LPIN1: variants seen among roughly 807,000 people sequenced by gnomAD.
The protein encoded by LPIN1 is lipin 1.
A neutral mutation model predicts 107.5 loss-of-function variants in LPIN1; 71 were observed. That is an observed-to-expected ratio of 0.66 (90% CI 0.55 to 0.80). LPIN1 has a LOEUF of 0.80. Ranked by LOEUF, LPIN1 falls within the 30% of genes least tolerant of loss-of-function variation. The pLI, the probability that LPIN1 is intolerant of heterozygous loss-of-function variation, is 0.00. For missense variants in LPIN1, 1,043 were observed against 1,160.6 expected (o/e 0.90, Z 1.47); for synonymous variants, 445 against 452.6 (o/e 0.98, Z 0.21).
chr2:11,761,906 G>A lies in LPIN1; in HGVS notation c.-9-3627G>A, dbSNP rs143141749. Among the ~76,000 whole-genome samples the A allele has an allele frequency of 2.3e-3, 355 of 152,254 alleles. 1 individual carries two copies. Among genetic ancestry groups the A allele is most frequent in the African/African-American group, 8.3e-3 (343 of 41,546 alleles). ...GTGTGTGTCTCTTGCACGCCAAGCA[G>A]TTCTCCAGCTCTCGGAGCACACCAA... On this transcript the variant is annotated intron_variant, in intron 1 of 20. Transcript: ENST00000674199.
Position 11,707,779 on chromosome 2 carries a change from A to C in LPIN1, c.82-5977A>C, listed in dbSNP as rs1663202904. 6.6e-6 allele frequency among the ~76,000 whole-genome samples: 1 copy of C among 152,094 alleles called. No individual in the cohort carries two copies. The highest frequency in any genetic ancestry group is 1.5e-5 in the Non-Finnish European group (1 of 67,970). ...ACCAAGCGCTGCTGCTTCTGTGAGC[A>C]CCACAGGTGCTCACCTGCCTGCTGG... On this transcript the variant is annotated intron_variant, in intron 1 of 21. Coordinates refer to the LPIN1 transcript ENST00000449576. The surrounding 1 kb of genome is among the most constrained non-coding windows in gnomAD (Gnocchi z 4.2).
intron 12 of LPIN1, chr2:11,791,671 A>G (rs1418088623): frequency 2.3e-6 from 3 of 1,331,844 alleles, no homozygotes; most frequent in Non-Finnish European, 2.9e-6. Context: ...GTTGTATTTT[A>G]TTTGTTGTTT....
chr2:11,693,808 ATATATATATATATATTTTTTTTTTTT>A (rs1189769083), intron 1 of LPIN1, among the ~76,000 whole-genome samples: 3 of 29,446 alleles, frequency 1.0e-4, no homozygotes, highest in African/African-American at 2.6e-4. Flanking sequence ...ATATATATAT[ATATATATATATATATTTTTTTTTTTT>A]TTTTTTTTTT....
At chr2:11,688,950 C>T (rs1357892379) in intron 1 of LPIN1, among the ~76,000 whole-genome samples, 1 of 152,156 alleles carries the variant, frequency 6.6e-6, no homozygotes, top group Non-Finnish European at 1.5e-5. Context: ...TAGAAATGCC[C>T]ACTGGGTGAG....
At chr2:11,721,123 T>C (rs539024516), upstream of LPIN1, among the ~76,000 whole-genome samples, 8 of 152,176 alleles carry the variant, frequency 5.3e-5, no homozygotes, top group Admixed American at 5.2e-4. Context: ...GGAGAAAATA[T>C]TGGGCGGGAT....
At chr2:11,794,515 A>G (rs1274092734) in intron 13 of LPIN1, among the ~76,000 whole-genome samples, 2 of 152,266 alleles carry the variant, frequency 1.3e-5, no homozygotes, top group Non-Finnish European at 2.9e-5. Flanking sequence ...TAATAAAAAA[A>G]CCTAAAGGAT....
intron 17 of LPIN1, among the ~76,000 whole-genome samples, chr2:11,808,496 G>T (rs1679095327): frequency 6.6e-6 from 1 of 152,154 alleles, no homozygotes; most frequent in Non-Finnish European, 1.5e-5. Flanking sequence ...TTACATGAGG[G>T]TTTGTGGACT....
At chr2:11,708,723 A>C (rs1663253301) in intron 1 of LPIN1, among the ~76,000 whole-genome samples, 1 of 152,170 alleles carries the variant, frequency 6.6e-6, no homozygotes, top group South Asian at 2.1e-4. Context: ...GCTGACCCAA[A>C]GAGGGGGAAA....
intron 20 of LPIN1, 29 bp from the exon 21 acceptor site, chr2:11,824,603 T>C (rs1382274713): frequency 6.2e-7 from 1 of 1,613,834 alleles, no homozygotes; most frequent in East Asian, 2.2e-5. Context: ...TATCGCTCAG[T>C]GCCAGTGACA....
intron 1 of LPIN1, among the ~76,000 whole-genome samples, chr2:11,686,718 C>T (rs1246160974): frequency 6.6e-6 from 1 of 152,174 alleles, no homozygotes; most frequent in African/African-American, 2.4e-5. Context: ...CTGACGCTCA[C>T]CTTCTGCTCT....
chr2:11,787,062 T>C lies in LPIN1; in HGVS notation c.1550-12T>C, dbSNP rs1558911813. ...TTTGTTTTTCCCTGATCCTCTGCAA[T>C]TGCTGTCACAGATGCATTCCTGGAG... On this transcript the variant is annotated splice_polypyrimidine_tract_variant and intron_variant, in intron 10 of 20. Coordinates refer to ENST00000674199, the MANE Select transcript of LPIN1 (RefSeq NM_001349206.2). 1.9e-6 allele frequency: 3 copies of C among 1,590,552 alleles called. No homozygotes were observed. The highest frequency in any genetic ancestry group is 2.6e-6 in the Non-Finnish European group (3 of 1,158,390).
chr2:11,750,410 C>G (rs996647557), intron 1 of LPIN1, among the ~76,000 whole-genome samples: 1 of 152,198 alleles, frequency 6.6e-6, no homozygotes, highest in Non-Finnish European at 1.5e-5. Context: ...TAGGCATAGC[C>G]TTCAAATAGT....
rs554577706 is a variant in LPIN1, at chr2:11,826,674, G to A, written c.*1883G>A. On this transcript the variant is annotated 3_prime_UTR_variant, in exon 21 of 21. Transcript: ENST00000674199. ...AGTATAAGCTCATGGGCCTGCAAAGGTTCAGACGGTTTCTCCTTTGCACCC... is the reference window on the plus strand; with the variant it reads ...AGTATAAGCTCATGGGCCTGCAAAGATTCAGACGGTTTCTCCTTTGCACCC... 6.6e-6 allele frequency: 1 copy of A among 152,174 alleles called. No individual in the cohort carries two copies. The highest frequency in any genetic ancestry group is 1.5e-5 in the Non-Finnish European group (1 of 68,042). 9.4% of individuals were successfully genotyped at this position (152,174 alleles called of 1,614,324 possible). A position where few individuals can be genotyped will look rare whatever the true frequency, so the allele number is the denominator to read the frequency against.
chr2:11,791,656 G>T, intron 12 of LPIN1: 2 of 1,304,598 alleles, frequency 1.5e-6, no homozygotes, highest in African/African-American at 1.5e-5. Context: ...TGTTGTTGTT[G>T]TTGTGTTGTA....
chr2:11,730,777 G>C (rs570908089), intron 1 of LPIN1, among the ~76,000 whole-genome samples: 89 of 152,302 alleles, frequency 5.8e-4, no homozygotes, highest in African/African-American at 2.0e-3. Context: ...ACTTCCTGCG[G>C]AAGTACCTCA....
At chr2:11,809,467 A>G (rs1285955886) in intron 17 of LPIN1, among the ~76,000 whole-genome samples, 1 of 151,738 alleles carries the variant, frequency 6.6e-6, no homozygotes, top group African/African-American at 2.4e-5. Context: ...TCCAGGCTGG[A>G]GTGCAATGGC....
At chr2:11,754,619 C>T (rs1668382477) in intron 1 of LPIN1, among the ~76,000 whole-genome samples, 1 of 152,168 alleles carries the variant, frequency 6.6e-6, no homozygotes, top group Admixed American at 6.5e-5. Flanking sequence ...GCTTCTGTAG[C>T]CACCTCCTAT....
intron 1 of LPIN1, among the ~76,000 whole-genome samples, chr2:11,754,785 T>C (rs2148588118): frequency 6.6e-6 from 1 of 152,292 alleles, no homozygotes; most frequent in Admixed American, 6.5e-5. Flanking sequence ...AGCTGGTAAA[T>C]GCCAGAAGTT....
chr2:11,824,486 A>G, intron 20 of LPIN1, 146 bp from the exon 21 acceptor site: 1 of 756,324 alleles, frequency 1.3e-6, no homozygotes, highest in South Asian at 1.5e-5. Flanking sequence ...TTAATCGATA[A>G]CAAATTATTC....
Sources: allele counts gnomAD v4.1 joint callset (sites outside exome capture counted in the v4.1 genomes callset), GRCh38; gene constraint gnomAD v4.1.1; non-coding constraint Gnocchi (gnomAD v3.1); transcripts MANE v1.5; gene names NCBI Gene and HGNC (gene_info 2026-07-23, HGNC 2026-07-21).